Variants in KCNMB2 observed in about 807,000 individuals in gnomAD.
KCNMB2 encodes calcium-activated potassium channel subunit beta-2.
Under a neutral mutation model 24.5 loss-of-function variants are expected in KCNMB2, and 9 were observed. The observed-to-expected ratio is 0.37, with a 90% CI of 0.22 to 0.64. The LOEUF is 0.64. Among genes scored for constraint, KCNMB2 ranks in the 30% least tolerant of loss-of-function variants. KCNMB2 has a pLI of 0.63. For synonymous variants in KCNMB2, 109 were observed against 104.4 expected (o/e 1.04, Z -0.27); for missense variants, 226 against 284.3 (o/e 0.79, Z 1.47).
chr3:178,549,474 CTTTT>C (rs1237618463), intron 1 of KCNMB2, among the ~76,000 whole-genome samples: 1 of 94,606 alleles, frequency 1.1e-5, no homozygotes. Flanking sequence ...CAATGCCCAG[CTTTT>C]TTTTTTTTTT....
chr3:178,766,719 T>C (rs895900790), intron 1 of KCNMB2, among the ~76,000 whole-genome samples: 1 of 152,254 alleles, frequency 6.6e-6, no homozygotes, highest in Admixed American at 6.5e-5. Context: ...TTCACTTGAT[T>C]TGATATGTGG....
chr3:178,767,562 T>C (rs926127864), intron 1 of KCNMB2, among the ~76,000 whole-genome samples: 3 of 152,226 alleles, frequency 2.0e-5, no homozygotes, highest in Non-Finnish European at 2.9e-5. Context: ...TAGCAAGATG[T>C]TGTTGCAAAA....
chr3:178,536,503 A>ACT lies in KCNMB2; in HGVS notation c.-274_-273dup, dbSNP rs1715416091. On this transcript the variant is annotated 5_prime_UTR_variant, in exon 1 of 5. Coordinates refer to ENST00000452583, the MANE Select transcript of KCNMB2 (RefSeq NM_181361.3). Reference sequence around the variant, plus strand: ...AGCATGGCTGTCTAGCGTGCCTGTCACTCCTATTGTCCTTCCAAACTCTTT... The same window carrying ACT: ...AGCATGGCTGTCTAGCGTGCCTGTCACTCTCCTATTGTCCTTCCAAACTCTTT... 6.6e-6 allele frequency: 1 copy of ACT among 152,132 alleles called. No homozygotes were observed. Among genetic ancestry groups the ACT allele is most frequent in the Non-Finnish European group, 1.5e-5 (1 of 68,036 alleles). The allele number at this position is 152,132 out of a possible 1,614,324, so 9.4% of individuals were successfully genotyped here. A position where few individuals can be genotyped will look rare whatever the true frequency, so the allele number is the denominator to read the frequency against.
intron 1 of KCNMB2, among the ~76,000 whole-genome samples, chr3:178,780,483 T>C (rs917094917): frequency 5.3e-5 from 8 of 152,218 alleles, no homozygotes; most frequent in African/African-American, 1.2e-4. Flanking sequence ...GGCTCAAAGA[T>C]GGCTGAAGCC....
chr3:178,806,073 G>A (rs570322352), intron 1 of KCNMB2, among the ~76,000 whole-genome samples: 1 of 152,284 alleles, frequency 6.6e-6, no homozygotes, highest in African/African-American at 2.4e-5. Context: ...AGGCTGCAGT[G>A]AGCTATGACT....
Position 178,756,182 on chromosome 3 carries a change from T to C in KCNMB2, c.-67-51161T>C, listed in dbSNP as rs957598273. 6.6e-5 allele frequency among the ~76,000 whole-genome samples: 10 copies of C among 152,132 alleles called. 1 individual carries two copies. The highest frequency in any genetic ancestry group is 2.2e-4 in the African/African-American group (9 of 41,522). ...ATCCCATTTTAATAAAATATACATA[T>C]TAAAGGGTATATATAGATTTTCCAC... On this transcript the variant is annotated intron_variant, in intron 1 of 4. Coordinates refer to ENST00000452583, the MANE Select transcript of KCNMB2 (RefSeq NM_181361.3).
At chr3:178,659,670 A>G (rs1044892054) in intron 1 of KCNMB2, among the ~76,000 whole-genome samples, 7 of 152,204 alleles carry the variant, frequency 4.6e-5, no homozygotes, top group Admixed American at 2.6e-4. Flanking sequence ...CCTCTGATAT[A>G]TAATGCAAGC....
intron 1 of KCNMB2, among the ~76,000 whole-genome samples, chr3:178,690,433 G>C (rs940623523): frequency 2.6e-5 from 4 of 151,890 alleles, no homozygotes; most frequent in African/African-American, 7.2e-5. Context: ...ATTTAGGAGA[G>C]AAGTGTGATA....
At chr3:178,787,914 A>G (rs1322590235) in intron 1 of KCNMB2, among the ~76,000 whole-genome samples, 1 of 152,190 alleles carries the variant, frequency 6.6e-6, no homozygotes, top group Non-Finnish European at 1.5e-5. Context: ...TGAGAAAATT[A>G]CTTAGTTTCC....
At chr3:178,679,231 C>CT (rs897337597) in intron 1 of KCNMB2, among the ~76,000 whole-genome samples, 5 of 151,636 alleles carry the variant, frequency 3.3e-5, no homozygotes, top group South Asian at 2.1e-4. Context: ...TCAATTTCTC[C>CT]TTTATTTTTT....
At chr3:178,584,508 T>C (rs1028896671) in intron 1 of KCNMB2, among the ~76,000 whole-genome samples, 25 of 147,966 alleles carry the variant, frequency 1.7e-4, no homozygotes, top group Non-Finnish European at 3.1e-4. Flanking sequence ...AAGTAATGAC[T>C]GAATAGGTAA....
chr3:178,588,818 G>A (rs2108497263), intron 1 of KCNMB2, among the ~76,000 whole-genome samples: 1 of 152,180 alleles, frequency 6.6e-6, no homozygotes, highest in Admixed American at 6.5e-5. Context: ...AGTACTCTAA[G>A]CCTCAGGCTC....
chr3:178,776,386 C>G (rs940539167), intron 1 of KCNMB2, among the ~76,000 whole-genome samples: 15 of 152,120 alleles, frequency 9.9e-5, no homozygotes, highest in Non-Finnish European at 1.5e-4. Context: ...TCACCCCTAC[C>G]CTTGGTTGGA....
At chr3:178,808,039 A>G (rs1033706971) in intron 2 of KCNMB2, among the ~76,000 whole-genome samples, 9 of 152,134 alleles carry the variant, frequency 5.9e-5, no homozygotes, top group Non-Finnish European at 1.5e-5. Context: ...AACAGAAAGT[A>G]TGAGAGGAGG....
rs369189848 is a variant in KCNMB2, at chr3:178,665,056, T to C, written c.-68+128345T>C. 2.6e-4 allele frequency among the ~76,000 whole-genome samples: 39 copies of C among 152,252 alleles called. 1 individual carries two copies. In the South Asian group the frequency reaches 7.9e-3, roughly 31 times the overall value. The stretch of plus-strand genomic sequence containing the variant: ...TTTTATTACTTGATGCCACTGAAAG[T>C]AAATTAATGGACTCCCAAAAGGTGT... On this transcript the variant is annotated intron_variant, in intron 1 of 4. Coordinates refer to ENST00000452583, the MANE Select transcript of KCNMB2 (RefSeq NM_181361.3).
chr3:178,539,401 C>CTT (rs906293690), intron 1 of KCNMB2, among the ~76,000 whole-genome samples: 1 of 151,990 alleles, frequency 6.6e-6, no homozygotes, highest in African/African-American at 2.4e-5. Context: ...ATTTTATTCT[C>CTT]TTCATACATT....
rs563711821 is a variant in KCNMB2, at chr3:178,813,097, T to C, written c.56+5632T>C. ...GTCACCAAGTCTTTCTCTGAATGAA[T>C]ACGATTAACCTCTACATTGGTTTGT... is the stretch of plus-strand genomic sequence containing the variant. On this transcript the variant is annotated intron_variant, in intron 2 of 4. Coordinates refer to ENST00000452583, the MANE Select transcript of KCNMB2 (RefSeq NM_181361.3). Among the ~76,000 whole-genome samples, 15 of 152,334 alleles carry C rather than the reference T, an allele frequency of 9.8e-5. No individual in the cohort carries two copies. In the South Asian group the frequency reaches 3.1e-3, roughly 32 times the overall value.
At chr3:178,574,365 C>G (rs543815035) in intron 1 of KCNMB2, among the ~76,000 whole-genome samples, 2 of 152,180 alleles carry the variant, frequency 1.3e-5, no homozygotes, top group Non-Finnish European at 2.9e-5. Flanking sequence ...ACTAAGTGAG[C>G]CTTATTCCTT....
chr3:178,608,785 C>A (rs1718371438), intron 1 of KCNMB2, among the ~76,000 whole-genome samples: 1 of 152,112 alleles, frequency 6.6e-6, no homozygotes, highest in Admixed American at 6.6e-5. Context: ...TCTTTCTGTG[C>A]CTCCAGTTCT....
Sources: gnomAD v4.1 joint callset for allele counts (sites outside exome capture counted in the v4.1 genomes callset) on GRCh38, gnomAD v4.1.1 for gene constraint, MANE v1.5 for transcripts, NCBI Gene and HGNC (gene_info 2026-07-23, HGNC 2026-07-21) for gene names.